TUT4: variants seen among roughly 807,000 people sequenced by gnomAD.
The protein encoded by TUT4 is terminal uridylyl transferase 4.
TUT4 carries 36 observed loss-of-function variants against 192.2 expected under a neutral mutation model. That is an observed-to-expected ratio of 0.19 (90% confidence interval 0.14 to 0.25). The LOEUF (loss-of-function observed/expected upper bound fraction) is 0.25, where lower values mean the gene tolerates loss of function less well. Among genes scored for constraint, TUT4 ranks in the 10% least tolerant of loss-of-function variants. The pLI is 1.00. For missense variants in TUT4, 1,493 were observed against 1,957.2 expected (o/e 0.76, Z 4.47); for synonymous variants, 618 against 666.0 (o/e 0.93, Z 1.11).
chr1:52,537,259 A>G (rs896635456), intron 1 of TUT4, among the ~76,000 whole-genome samples: 3 of 152,356 alleles, frequency 2.0e-5, no homozygotes, highest in African/African-American at 7.2e-5. Flanking sequence ...CTTTAGATAC[A>G]AAGAGCAAAG....
At chr1:52,551,357 C>T (rs1310063840) in intron 1 of TUT4, among the ~76,000 whole-genome samples, 4 of 151,972 alleles carry the variant, frequency 2.6e-5, no homozygotes, top group Non-Finnish European at 5.9e-5. Flanking sequence ...TCCACACTAG[C>T]CAAGTGAAAA....
chr1:52,475,381 C>G lies in TUT4; in HGVS notation c.2178G>C (p.Glu726Asp), dbSNP rs367838640. ...GTTTCTTATTGCTTATTTTCCCCTT[C>G]TCTCTTTTCTTGAAATCCACTGTAG... ...NKSTVDFKKR[E>D]KGKISNKKPV... is the part of the protein sequence containing the mutation. Residue 726 changes from glutamate to aspartate, a missense_variant, in exon 13 of 30, where the codon GAG becomes GAC. By Grantham distance (45) the Glu-to-Asp change is conservative. Around this residue, in one of 7 missense-constraint regions of TUT4, gnomAD observed 245 missense variants for 218.4 expected, o/e 1.12. Transcript: ENST00000257177. 4.3e-6 allele frequency: 7 copies of G among 1,614,026 alleles called. No homozygotes were observed. The South Asian group carries it at 6.6e-5, about 15-fold the overall frequency.
chr1:52,448,750 TTTGTAAACACAGATTTATTTGCTAGATA>T (rs1349494294), intron 20 of TUT4, among the ~76,000 whole-genome samples: 3 of 152,324 alleles, frequency 2.0e-5, no homozygotes, highest in African/African-American at 4.8e-5. Flanking sequence ...TATTTCATGT[TTTGTAAACACAGATTTATTTGCTAGATA>T]TTGAAATAAA....
intron 1 of TUT4, among the ~76,000 whole-genome samples, chr1:52,532,897 A>G (rs1683882072): frequency 6.6e-6 from 1 of 152,310 alleles, no homozygotes; most frequent in African/African-American, 2.4e-5. Context: ...GCCTTCTGAT[A>G]AAGTTCTCAC....
chr1:52,448,696 G>T (rs1177347610), intron 20 of TUT4, among the ~76,000 whole-genome samples: 1 of 151,706 alleles, frequency 6.6e-6, no homozygotes, highest in Non-Finnish European at 1.5e-5. Flanking sequence ...TTAAGGGGCT[G>T]ACATGTAATA....
At chr1:52,514,586 T>G (rs1678190622) in intron 3 of TUT4, among the ~76,000 whole-genome samples, 4 of 152,236 alleles carry the variant, frequency 2.6e-5, no homozygotes, top group Admixed American at 2.0e-4. Flanking sequence ...TCTTTTCATG[T>G]GGCGACTACT....
intron 25 of TUT4, 193 bp from the exon 26 acceptor site, chr1:52,437,171 C>T: frequency 3.2e-6 from 2 of 621,232 alleles, no homozygotes; most frequent in Middle Eastern, 4.6e-4. Flanking sequence ...TTTTGTAAAA[C>T]AATATTATAT....
At chr1:52,457,236 CTTTTCTTTTTTTTT>C (rs974883299) in intron 20 of TUT4, among the ~76,000 whole-genome samples, 1 of 151,090 alleles carries the variant, frequency 6.6e-6, no homozygotes, top group Non-Finnish European at 1.5e-5. Flanking sequence ...TCTTTTTTTT[CTTTTCTTTTTTTTT>C]TTGAGATGGA....
rs554553270 is a variant in TUT4 at position 52,546,435 on chromosome 1, G to A, written c.-94+6496C>T. Among the ~76,000 whole-genome samples, 5 of 152,270 alleles carry A rather than the reference G, an allele frequency of 3.3e-5. No homozygotes were observed. The South Asian group carries it at 1.0e-3, about 32-fold the overall frequency. ...GAGGACACTATGCTAAGTGAAATAA[G>A]CCACAAGACAAATATTGTATGATTC... On this transcript the variant is annotated intron_variant, in intron 1 of 29. Coordinates refer to ENST00000257177, the MANE Select transcript of TUT4 (RefSeq NM_001009881.3).
intron 1 of TUT4, among the ~76,000 whole-genome samples, chr1:52,545,878 T>C (rs1687939135): frequency 6.6e-6 from 1 of 151,042 alleles, no homozygotes; most frequent in Non-Finnish European, 1.5e-5. Context: ...TCCCAGCAGT[T>C]TGGGAGGCCG....
At chr1:52,532,833 T>C (rs1289050726) in intron 1 of TUT4, among the ~76,000 whole-genome samples, 1 of 152,198 alleles carries the variant, frequency 6.6e-6, no homozygotes, top group East Asian at 1.9e-4. Flanking sequence ...TTTCTCCTTT[T>C]TCCTGAGCAC....
chr1:52,501,079 T>C (rs972431071), intron 4 of TUT4, among the ~76,000 whole-genome samples: 7 of 152,100 alleles, frequency 4.6e-5, no homozygotes, highest in African/African-American at 9.7e-5. Flanking sequence ...ACAAAAGACA[T>C]AGGCAACAAA....
intron 1 of TUT4, among the ~76,000 whole-genome samples, chr1:52,537,510 G>C (rs1408672065): frequency 6.6e-6 from 1 of 152,164 alleles, no homozygotes; most frequent in Non-Finnish European, 1.5e-5. Flanking sequence ...ATTGAAAAGA[G>C]AAATTGTTCT....
At chr1:52,473,538 T>C (rs1198831122) in intron 13 of TUT4, among the ~76,000 whole-genome samples, 2 of 152,206 alleles carry the variant, frequency 1.3e-5, no homozygotes, top group Non-Finnish European at 2.9e-5. Flanking sequence ...CATCCAGTTG[T>C]AGACATTAAA....
chr1:52,482,727 T>C (rs369933311), intron 9 of TUT4, among the ~76,000 whole-genome samples: 1 of 152,166 alleles, frequency 6.6e-6, no homozygotes, highest in South Asian at 2.1e-4. Context: ...TGAGCCACCA[T>C]GCCCAGCCAA....
intron 2 of TUT4, 130 bp from the exon 3 acceptor site, chr1:52,516,184 C>T: frequency 3.9e-6 from 3 of 775,972 alleles, no homozygotes; most frequent in Admixed American, 5.8e-5. Flanking sequence ...GGAAAGTATA[C>T]AAGTTGGTAT....
At chr1:52,513,925 A>G (rs901608944) in intron 3 of TUT4, among the ~76,000 whole-genome samples, 6 of 152,248 alleles carry the variant, frequency 3.9e-5, no homozygotes, top group African/African-American at 1.2e-4. Context: ...TGAGGATTAA[A>G]TAACACAAGT....
chr1:52,474,183 G>A (rs1666516232), intron 13 of TUT4, among the ~76,000 whole-genome samples: 1 of 152,196 alleles, frequency 6.6e-6, no homozygotes, highest in African/African-American at 2.4e-5. Context: ...ACTTCAGCCT[G>A]GGCAACAGAG....
At chr1:52,510,427 T>C (rs1571124093) in intron 3 of TUT4, among the ~76,000 whole-genome samples, 1 of 149,204 alleles carries the variant, frequency 6.7e-6, no homozygotes, top group South Asian at 2.1e-4. Flanking sequence ...TTGATTACCA[T>C]AAAAAAATAA....
Sources: gnomAD v4.1 joint callset for allele counts (sites outside exome capture counted in the v4.1 genomes callset) on GRCh38, gnomAD v4.1.1 for gene constraint, gnomAD v4.1.1 regional missense constraint, MANE v1.5 for transcripts, NCBI Gene and HGNC (gene_info 2026-07-23, HGNC 2026-07-21) for gene names.